The following RAPGEF3 variants were observed in gnomAD, a reference collection of about 807,000 sequenced individuals.
RAPGEF3 encodes 9330170P05Rik.
Under a neutral mutation model 129.8 loss-of-function variants are expected in RAPGEF3, and 103 were observed. The observed-to-expected ratio is 0.79, with a 90% CI of 0.68 to 0.93. The LOEUF is 0.93. RAPGEF3 is among the 40% of genes least tolerant of loss of function. RAPGEF3 has a pLI of 0.00. For synonymous variants in RAPGEF3, 436 were observed against 482.6 expected (o/e 0.90, Z 1.26); for missense variants, 1,117 against 1,207.4 (o/e 0.93, Z 1.11).
In RAPGEF3 at chr12:47,748,797, G is replaced by A. The variant is rs374507923; in HGVS notation, c.1154+22C>T. 1.7e-5 allele frequency: 26 copies of A among 1,497,966 alleles called. No individual in the cohort carries two copies. The African/African-American group carries it at 2.3e-4, about 13-fold the overall frequency. The allele number at this position is 1,497,966 out of a possible 1,614,324, so 92.8% of individuals were successfully genotyped here. A position where few individuals can be genotyped will look rare whatever the true frequency, so the allele number is the denominator to read the frequency against. On this transcript the variant is annotated intron_variant, in intron 11 of 27. Coordinates refer to ENST00000449771, the MANE Select transcript of RAPGEF3 (RefSeq NM_001098531.4). ...AATGAAAGGAGGGACAGTGTGGAGA[G>A]GGAGCATGGCAGGTGTATTACCGGT... is the stretch of plus-strand genomic sequence containing the variant.
At position 47,751,736 on chromosome 12, in the gene RAPGEF3, G is replaced by T; in HGVS notation, c.367C>A (p.Leu123Ile). Reference protein sequence around the residue: ...PNLIRDRKYHLRLYRQCCSGR... With the variant: ...PNLIRDRKYHIRLYRQCCSGR... ...GCCTCCACTCACCGATAGAGCCTAA[G>T]GTGGTACTTCCGGTCTCGGATGAGG... The change falls in exon 4 of 28, where the codon CTT becomes ATT. Residue 123 changes from leucine (L) to isoleucine (I), a missense_variant. By Grantham distance (5) the Leu-to-Ile change is conservative. This residue lies in a region of RAPGEF3 where 367 missense variants were observed against 373.4 expected (regional missense o/e 0.98). Coordinates refer to ENST00000449771, the MANE Select transcript of RAPGEF3 (RefSeq NM_001098531.4). 1.2e-6 allele frequency: 2 copies of T among 1,613,324 alleles called. No individual in the cohort carries two copies. The highest frequency in any genetic ancestry group is 1.1e-5 in the South Asian group (1 of 91,078).
chr12:47,753,652 G>A (rs756167934), intron 2 of RAPGEF3, among the ~76,000 whole-genome samples: 29 of 152,264 alleles, frequency 1.9e-4, no homozygotes, highest in Admixed American at 1.6e-3. Context: ...GCCAGGGAAG[G>A]GAGGAAGGGC....
rs1942255723 is a variant in RAPGEF3 at position 47,758,729 on chromosome 12, G to A, written c.-173C>T. ...GGCTGCCAGGGCAGCAGGATGCAGGGCTCGGTGGAGAGGCTCCTCTTGGGT... is the reference window on the plus strand; with the variant it reads ...GGCTGCCAGGGCAGCAGGATGCAGGACTCGGTGGAGAGGCTCCTCTTGGGT... On this transcript the variant is annotated 5_prime_UTR_variant, in exon 1 of 28. Coordinates refer to ENST00000449771, the MANE Select transcript of RAPGEF3 (RefSeq NM_001098531.4). The A allele has an allele frequency of 5.9e-6, 8 of 1,351,172 alleles. No homozygotes were observed. The highest frequency in any genetic ancestry group is 2.8e-5 in the East Asian group (1 of 35,860). 83.7% of individuals were successfully genotyped at this position (1,351,172 alleles called of 1,614,324 possible). A position where few individuals can be genotyped will look rare whatever the true frequency, so the allele number is the denominator to read the frequency against.
At chr12:47,748,413 C>G (rs780824653) in intron 12 of RAPGEF3, 41 bp downstream of exon 12, 30 of 1,566,668 alleles carry the variant, frequency 1.9e-5, no homozygotes, top group Non-Finnish European at 2.5e-5. Flanking sequence ...CATGGACCAC[C>G]CAATGAGTCA....
chr12:47,740,598 C>T (rs979577070), intron 21 of RAPGEF3, 44 bp downstream of exon 21: 453 of 1,598,784 alleles, frequency 2.8e-4, no homozygotes, highest in Non-Finnish European at 3.7e-4. Flanking sequence ...AAAAGGTAGC[C>T]GGGGGGACTC....
intron 2 of RAPGEF3, among the ~76,000 whole-genome samples, chr12:47,757,295 A>G (rs1206656750): frequency 1.3e-5 from 2 of 152,100 alleles, no homozygotes; most frequent in Non-Finnish European, 2.9e-5. Flanking sequence ...TCAGGTCCAG[A>G]GATGTTTCTC....
rs989985501 is a variant in RAPGEF3 at position 47,743,464 on chromosome 12, T to G, written c.1825+66A>C. On this transcript the variant is annotated intron_variant, in intron 18 of 27. Transcript: ENST00000449771. ...TGACAATGATGACAATGATCTTGAC[T>G]GGGGGACCTGGGCGCAGATCCGAGG... The G allele has an allele frequency of 2.6e-6, 4 of 1,537,998 alleles. No homozygotes were observed. In the African/African-American group the frequency reaches 4.1e-5, roughly 16 times the overall value.
At chr12:47,748,781 A>G in intron 11 of RAPGEF3, 38 bp downstream of exon 11, 1 of 1,417,830 alleles carries the variant, frequency 7.1e-7, no homozygotes, top group South Asian at 1.1e-5. Flanking sequence ...AAATGAAAGG[A>G]GGGACAGTGT....
intron 19 of RAPGEF3, 130 bp from the exon 20 acceptor site, chr12:47,741,170 T>G: frequency 8.4e-7 from 1 of 1,187,754 alleles, no homozygotes; most frequent in Non-Finnish European, 1.2e-6. Context: ...GAGTGGGGAG[T>G]AGAGGGTCTC....
rs376628837 is a variant in RAPGEF3 at position 47,741,651 on chromosome 12, G to T, written c.1826-49C>A. Reference sequence around the variant, plus strand: ...TGGGTGGGGGAAGGGAGGGAGGCCGGGGACCAGCTGGATGCCAGGGTGGAG... The same window carrying T: ...TGGGTGGGGGAAGGGAGGGAGGCCGTGGACCAGCTGGATGCCAGGGTGGAG... On this transcript the variant is annotated intron_variant, in intron 18 of 27. Transcript: ENST00000449771. 2.0e-6 allele frequency: 3 copies of T among 1,469,182 alleles called. No homozygotes were observed. The African/African-American group carries it at 4.2e-5, about 20-fold the overall frequency. The allele number at this position is 1,469,182 out of a possible 1,614,324, so 91.0% of individuals were successfully genotyped here.
chr12:47,737,940 G>T (rs1157082064), intron 27 of RAPGEF3, 82 bp downstream of exon 27: 1 of 1,515,818 alleles, frequency 6.6e-7, no homozygotes, highest in Non-Finnish European at 9.1e-7. Flanking sequence ...CCTGGCACAT[G>T]GCAAGTGCCT....
chr12:47,738,283 G>A (rs1940921829), intron 25 of RAPGEF3, 36 bp from the exon 26 acceptor site: 1 of 1,610,542 alleles, frequency 6.2e-7, no homozygotes, highest in Admixed American at 1.7e-5. Flanking sequence ...TCTTGCCTGA[G>A]GGAGAAACCC....
At position 47,749,840 on chromosome 12, in the gene RAPGEF3, C is replaced by A; in HGVS notation, c.818-23G>T. On this transcript the variant is annotated intron_variant, in intron 8 of 27. Transcript: ENST00000449771. This position sits in a 1 kb window ranked among gnomAD's most constrained non-coding sequence, Gnocchi z 4.5. ...ACACTGACAGAAGCATACCTCAGAC[C>A]GGGCCCTCCTGGCACCTACCATTCC... is the stretch of plus-strand genomic sequence containing the variant. 1.2e-6 allele frequency: 2 copies of A among 1,614,100 alleles called. No individual in the cohort carries two copies. The highest frequency in any genetic ancestry group is 1.7e-6 in the Non-Finnish European group (2 of 1,179,952).
chr12:47,737,135 C>A lies in RAPGEF3; in HGVS notation c.*432G>T, dbSNP rs1940828585. ...AGGGGGCCCCTGCCCCAGGCCAAGG[C>A]CCTGCCCTTGCCACACACGGTACAC... On this transcript the variant is annotated 3_prime_UTR_variant, in exon 28 of 28. Coordinates refer to ENST00000449771, the MANE Select transcript of RAPGEF3 (RefSeq NM_001098531.4). 1 of 191,858 alleles carries A rather than the reference C, an allele frequency of 5.2e-6. No individual in the cohort carries two copies. The highest frequency in any genetic ancestry group is 1.1e-5 in the Non-Finnish European group (1 of 94,084). 11.9% of individuals were successfully genotyped at this position (191,858 alleles called of 1,614,324 possible).
intron 2 of RAPGEF3, among the ~76,000 whole-genome samples, chr12:47,757,473 G>C (rs1014673515): frequency 3.3e-5 from 5 of 152,046 alleles, no homozygotes; most frequent in Non-Finnish European, 7.3e-5. Flanking sequence ...ATGTTGCCAC[G>C]GTGATGCACC....
Position 47,751,931 on chromosome 12 carries a change from G to T in RAPGEF3, c.258C>A (p.Ser86Arg), listed in dbSNP as rs150920877. ...AGGCTTCTACCTGCTCCAGGCTCTC[G>T]CTGAAATCCAGGGACTCCTCGCTGT... ...LTNSEESLDFSESLEQASTER... is the reference protein window; with the variant it reads ...LTNSEESLDFRESLEQASTER... Residue 86 changes from serine (S) to arginine (R), a missense_variant, in exon 3 of 28, where the codon AGC (serine) becomes AGA (arginine). Ser to Arg is a moderately radical substitution (Grantham distance 110, BLOSUM62 -1). Transcript: ENST00000449771. 1 of 1,614,036 alleles carries T rather than the reference G, an allele frequency of 6.2e-7. No homozygotes were observed. Among genetic ancestry groups the T allele is most frequent in the Non-Finnish European group, 8.5e-7 (1 of 1,180,012 alleles).
At chr12:47,737,756 C>A (rs1940868947) in intron 27 of RAPGEF3, 71 bp from the exon 28 acceptor site, 2 of 1,403,028 alleles carry the variant, frequency 1.4e-6, no homozygotes, top group South Asian at 1.2e-5. Flanking sequence ...CTCCAAGGAG[C>A]CATATCACAT....
chr12:47,743,799 G>T, intron 17 of RAPGEF3, 123 bp from the exon 18 acceptor site: 1 of 1,423,756 alleles, frequency 7.0e-7, no homozygotes, highest in Middle Eastern at 1.9e-4. Flanking sequence ...AGGTGGGGAG[G>T]CCCTGAGCAA....
rs745394744 is a variant in RAPGEF3 at position 47,748,130 on chromosome 12, G to C, written c.1266C>G (p.Leu422=). 3.8e-6 allele frequency: 6 copies of C among 1,586,988 alleles called. 1 individual carries two copies. In the South Asian group the frequency reaches 5.7e-5, roughly 15 times the overall value. Reference sequence around the variant, plus strand: ...TGGGCATGAAGACCCTGTGGGTCAGGAGGAAGTCGCTGAGGAATGTCTCTG... The same window carrying C: ...TGGGCATGAAGACCCTGTGGGTCAGCAGGAAGTCGCTGAGGAATGTCTCTG... ...DPTETFLSDF[L]LTHRVFMPSA... The change falls in exon 13 of 28, where the codon CTC becomes CTG. Residue 422 remains leucine (L), a synonymous_variant. Coordinates refer to ENST00000449771, the MANE Select transcript of RAPGEF3 (RefSeq NM_001098531.4).
Sources: gnomAD v4.1 joint callset for allele counts (sites outside exome capture counted in the v4.1 genomes callset) on GRCh38, gnomAD v4.1.1 for gene constraint, gnomAD v4.1.1 regional missense constraint, Gnocchi (gnomAD v3.1) non-coding constraint, MANE v1.5 for transcripts, NCBI Gene and HGNC (gene_info 2026-07-23, HGNC 2026-07-21) for gene names.